VOPP1: variants seen among roughly 807,000 people sequenced by gnomAD.
The protein encoded by VOPP1 is VOPP1 WW domain binding protein.
Under a neutral mutation model 23.5 loss-of-function variants are expected in VOPP1, and 8 were observed. The ratio of observed to expected loss-of-function variants is 0.34; its 90% CI spans 0.20 to 0.61. VOPP1 has a LOEUF of 0.61. Among genes scored for constraint, VOPP1 ranks in the 20% least tolerant of loss-of-function variants. The pLI, the probability that VOPP1 is intolerant of heterozygous loss-of-function variation, is 0.78. For synonymous variants in VOPP1, 83 were observed against 97.3 expected, an observed-to-expected ratio of 0.85 and a Z score of 0.86; for missense variants, 174 against 238.1, an observed-to-expected ratio of 0.73 and a Z score of 1.77.
chr7:55,456,108 A>G (rs1340890365), intron 4 of VOPP1, among the ~76,000 whole-genome samples: 1 of 152,216 alleles, frequency 6.6e-6, no homozygotes. Context: ...AATTTATAAG[A>G]AAAAAACAAC....
At chr7:55,545,509 C>T (rs1329866488) in intron 1 of VOPP1, among the ~76,000 whole-genome samples, 1 of 152,244 alleles carries the variant, frequency 6.6e-6, no homozygotes, top group African/African-American at 2.4e-5. Flanking sequence ...CTCTCCCCAT[C>T]CTCTTTCTGG....
intron 1 of VOPP1, among the ~76,000 whole-genome samples, chr7:55,563,558 C>G (rs1798056515): frequency 6.6e-6 from 1 of 152,170 alleles, no homozygotes. Context: ...GATTTTGGAA[C>G]ATTTGCATAT....
intron 2 of VOPP1, chr7:55,515,949 T>C (rs141198570): frequency 0.014 from 13,721 of 985,306 alleles, 101 homozygotes; most frequent in Middle Eastern, 0.024. Flanking sequence ...TATCTTCTCA[T>C]CTCTGGGCTC....
intron 4 of VOPP1, among the ~76,000 whole-genome samples, chr7:55,446,923 A>T (rs1017802820): frequency 3.3e-5 from 5 of 152,220 alleles, no homozygotes; most frequent in Non-Finnish European, 7.3e-5. Flanking sequence ...ATAAAAGCTG[A>T]TGTCTCTGTG....
intron 2 of VOPP1, among the ~76,000 whole-genome samples, chr7:55,511,832 A>G (rs966258146): frequency 6.6e-6 from 1 of 152,186 alleles, no homozygotes; most frequent in Non-Finnish European, 1.5e-5. Flanking sequence ...CAGTGCCCCA[A>G]CTGCCTTGGG....
intron 4 of VOPP1, among the ~76,000 whole-genome samples, chr7:55,463,668 T>C: frequency 6.6e-6 from 1 of 152,164 alleles, no homozygotes; most frequent in African/African-American, 2.4e-5. Context: ...GTGGTAGTTG[T>C]GGGTCAAGCC....
chr7:55,569,789 G>A (rs1312733087), intron 1 of VOPP1, among the ~76,000 whole-genome samples: 2 of 152,124 alleles, frequency 1.3e-5, no homozygotes, highest in Non-Finnish European at 2.9e-5. Context: ...TCTCAAAACA[G>A]TCTTTGGATT....
intron 1 of VOPP1, among the ~76,000 whole-genome samples, chr7:55,534,742 G>T (rs1284364488): frequency 6.6e-6 from 1 of 152,188 alleles, no homozygotes; most frequent in African/African-American, 2.4e-5. Flanking sequence ...ATCTCTGCCA[G>T]GTGCCCAGAA....
chr7:55,562,518 G>T (rs1232732929), intron 1 of VOPP1, among the ~76,000 whole-genome samples: 1 of 152,214 alleles, frequency 6.6e-6, no homozygotes, highest in Admixed American at 6.5e-5. Flanking sequence ...TATTGCAATA[G>T]GGGTCAATCT....
intron 4 of VOPP1, among the ~76,000 whole-genome samples, chr7:55,476,997 A>G (rs1009779885): frequency 6.6e-6 from 1 of 152,136 alleles, no homozygotes; most frequent in African/African-American, 2.4e-5. Flanking sequence ...ACTAGATAAC[A>G]TATCCCAGGC....
chr7:55,540,591 G>A (rs1233037821), intron 1 of VOPP1, among the ~76,000 whole-genome samples: 1 of 152,042 alleles, frequency 6.6e-6, no homozygotes, highest in Non-Finnish European at 1.5e-5. Flanking sequence ...AGCTTCAAGG[G>A]CTGACCTCCA....
intron 2 of VOPP1, among the ~76,000 whole-genome samples, chr7:55,504,419 A>G (rs932970689): frequency 5.3e-5 from 8 of 152,232 alleles, no homozygotes; most frequent in African/African-American, 1.9e-4. Context: ...GTTTCAGCAG[A>G]AAACTCCAAA....
intron 4 of VOPP1, among the ~76,000 whole-genome samples, chr7:55,456,072 T>C (rs1423413813): frequency 1.3e-5 from 2 of 151,942 alleles, no homozygotes; most frequent in Non-Finnish European, 2.9e-5. Flanking sequence ...AGGGCTAATA[T>C]CCAGAATCTA....
intron 1 of VOPP1, among the ~76,000 whole-genome samples, chr7:55,531,324 T>C (rs957738975): frequency 2.0e-4 from 31 of 151,654 alleles, no homozygotes; most frequent in Middle Eastern, 3.5e-3. Flanking sequence ...AACCTTTGAA[T>C]GCTCTCCTTA....
At chr7:55,543,969 T>A (rs966459689) in intron 1 of VOPP1, among the ~76,000 whole-genome samples, 1 of 152,254 alleles carries the variant, frequency 6.6e-6, no homozygotes, top group East Asian at 1.9e-4. Context: ...GAGGCTTTAC[T>A]CAAGAAATCT....
At chr7:55,458,851 A>G (rs1791431372) in intron 4 of VOPP1, among the ~76,000 whole-genome samples, 1 of 152,124 alleles carries the variant, frequency 6.6e-6, no homozygotes, top group African/African-American at 2.4e-5. Flanking sequence ...CTCTTTTCCA[A>G]TTTAGATGCT....
intron 1 of VOPP1, among the ~76,000 whole-genome samples, chr7:55,533,807 T>A (rs1234505259): frequency 6.6e-6 from 1 of 152,176 alleles, no homozygotes; most frequent in Non-Finnish European, 1.5e-5. Flanking sequence ...TTCGATGATG[T>A]TGTCTGGGGA....
intron 4 of VOPP1, among the ~76,000 whole-genome samples, chr7:55,481,054 A>T (rs1380819109): frequency 1.3e-5 from 2 of 152,218 alleles, no homozygotes; most frequent in Non-Finnish European, 2.9e-5. Context: ...CCTCATGAGG[A>T]GGTGAAGGAC....
At chr7:55,483,200 C>G (rs1472411693) in intron 4 of VOPP1, among the ~76,000 whole-genome samples, 1 of 152,126 alleles carries the variant, frequency 6.6e-6, no homozygotes, top group Non-Finnish European at 1.5e-5. Context: ...CATCCTGCAT[C>G]ACCTATTTCA....
Sources: allele counts gnomAD v4.1 joint callset (sites outside exome capture counted in the v4.1 genomes callset), GRCh38; gene constraint gnomAD v4.1.1; transcripts MANE v1.5; gene names NCBI Gene and HGNC (gene_info 2026-07-23, HGNC 2026-07-21).